The following CAST variants were observed in gnomAD, a reference collection of about 807,000 sequenced individuals.
CAST encodes the protein calpastatin, also known as MIR583 host.
Under a neutral mutation model 119.6 loss-of-function variants are expected in CAST, and 76 were observed. The ratio of observed to expected loss-of-function variants is 0.64; its 90% CI spans 0.53 to 0.77. CAST has a LOEUF of 0.77. Ranked by LOEUF, CAST falls within the 30% of genes least tolerant of loss-of-function variation. CAST has a pLI of 0.00. For missense variants in CAST, 953 were observed against 946.5 expected (o/e 1.01, Z -0.09); for synonymous variants, 319 against 331.6 (o/e 0.96, Z 0.41).
chr5:96,246,776 C>T, the CAST span, among the ~76,000 whole-genome samples: 2 of 152,174 alleles, frequency 1.3e-5, no homozygotes, highest in African/African-American at 2.4e-5. Context: ...GGCTTGGCTT[C>T]GATCTGGCCA....
the CAST span, among the ~76,000 whole-genome samples, chr5:96,027,014 C>T: frequency 1.3e-5 from 2 of 151,898 alleles, no homozygotes; most frequent in Non-Finnish European, 2.9e-5. Context: ...AGTTTGAGAC[C>T]AGCCTGAGCA....
the CAST span, among the ~76,000 whole-genome samples, chr5:96,147,875 A>G: frequency 1.4e-4 from 21 of 152,228 alleles, no homozygotes; most frequent in African/African-American, 5.1e-4. Context: ...TCATTTTTGA[A>G]AATAAAAAAA....
the CAST span, among the ~76,000 whole-genome samples, chr5:96,334,744 C>T: frequency 1.3e-5 from 2 of 152,124 alleles, no homozygotes; most frequent in Admixed American, 6.5e-5. Flanking sequence ...CCCAGAAACT[C>T]GTTTTTCACC....
At chr5:96,130,197 T>C in the CAST span, among the ~76,000 whole-genome samples, 1 of 151,942 alleles carries the variant, frequency 6.6e-6, no homozygotes, top group African/African-American at 2.4e-5. Flanking sequence ...GTCATGTTGA[T>C]AGAATGTATC....
the CAST span, among the ~76,000 whole-genome samples, chr5:96,123,017 T>C: frequency 6.6e-6 from 1 of 152,186 alleles, no homozygotes; most frequent in Non-Finnish European, 1.5e-5. Context: ...ATGTTCAGGA[T>C]GTAGTAGGCA....
chr5:96,562,058 CTGGGATTA>C (rs1441967963), intron 1 of CAST, among the ~76,000 whole-genome samples: 3 of 151,512 alleles, frequency 2.0e-5, no homozygotes, highest in African/African-American at 7.3e-5. Context: ...TCCCAAAGTG[CTGGGATTA>C]CAGGCGTGAG....
At chr5:96,174,227 A>G in the CAST span, among the ~76,000 whole-genome samples, 1 of 152,286 alleles carries the variant, frequency 6.6e-6, no homozygotes, top group South Asian at 2.1e-4. Flanking sequence ...CAAACTTGCC[A>G]GTTTCCTTCT....
the CAST span, among the ~76,000 whole-genome samples, chr5:96,457,110 A>G: frequency 2.6e-5 from 4 of 152,130 alleles, no homozygotes; most frequent in Admixed American, 6.5e-5. Context: ...CAGCAGTTAT[A>G]TTGCTACCAC....
At chr5:96,068,884 C>T in the CAST span, among the ~76,000 whole-genome samples, 1 of 150,026 alleles carries the variant, frequency 6.7e-6, no homozygotes, top group African/African-American at 2.5e-5. Flanking sequence ...TACATATATA[C>T]ATACACCAAT....
At chr5:96,284,773 GAAAGTGATT>G in the CAST span, among the ~76,000 whole-genome samples, 2 of 152,152 alleles carry the variant, frequency 1.3e-5, no homozygotes, top group Non-Finnish European at 2.9e-5. Flanking sequence ...TTTAATATAG[GAAAGTGATT>G]AAAGAGAAAA....
At chr5:96,712,739 C>G (rs904541098) in intron 3 of CAST, among the ~76,000 whole-genome samples, 3 of 152,166 alleles carry the variant, frequency 2.0e-5, no homozygotes, top group Non-Finnish European at 4.4e-5. Flanking sequence ...TAGGTGGTTT[C>G]CAGAATAACA....
chr5:96,709,154 T>C (rs1484796884), intron 3 of CAST, among the ~76,000 whole-genome samples: 1 of 152,252 alleles, frequency 6.6e-6, no homozygotes, highest in Non-Finnish European at 1.5e-5. Flanking sequence ...ATTTTTCTCA[T>C]GCATATGCAT....
At chr5:96,445,469 A>G in the CAST span, among the ~76,000 whole-genome samples, 4 of 152,186 alleles carry the variant, frequency 2.6e-5, no homozygotes, top group Non-Finnish European at 4.4e-5. Context: ...CAGACACATA[A>G]TGGTTCCCTT....
intron 28 of CAST, 80 bp from the exon 29 acceptor site, chr5:96,767,799 TTTTTTCTTATAGAAACATCTTTTATTTG>T: frequency 1.4e-6 from 1 of 694,084 alleles, no homozygotes; most frequent in Non-Finnish European, 2.5e-6. Flanking sequence ...GTCAGTCAGT[TTTTTTCTTATAGAAACATCTTTTATTTG>T]TAAGTGATGT....
At chr5:96,345,380 A>G in the CAST span, among the ~76,000 whole-genome samples, 2 of 152,030 alleles carry the variant, frequency 1.3e-5, no homozygotes, top group African/African-American at 4.8e-5. Context: ...GAAACAGGAG[A>G]TTTGTGGTTG....
the CAST span, among the ~76,000 whole-genome samples, chr5:96,164,440 A>T: frequency 9.9e-5 from 15 of 152,252 alleles, no homozygotes; most frequent in African/African-American, 3.4e-4. Flanking sequence ...AGTTTGGATA[A>T]TTAGTCTGTC....
chr5:96,676,025 G>A (rs1348531894), intron 2 of CAST: 1 of 154,038 alleles, frequency 6.5e-6, no homozygotes, highest in Non-Finnish European at 1.4e-5. Context: ...AAAAGGAAGA[G>A]ATAACTATTT....
At chr5:96,375,433 TG>T in the CAST span, among the ~76,000 whole-genome samples, 63 of 86,856 alleles carry the variant, frequency 7.3e-4, no homozygotes, top group South Asian at 2.3e-3. Flanking sequence ...TGTGTGTGTG[TG>T]TGTTTTTTTT....
At chr5:96,161,982 A>C in the CAST span, among the ~76,000 whole-genome samples, 3 of 152,194 alleles carry the variant, frequency 2.0e-5, no homozygotes, top group Non-Finnish European at 4.4e-5. Flanking sequence ...CAATCTACTA[A>C]ACTTATGTAT....
Sources: allele counts gnomAD v4.1 joint callset (sites outside exome capture counted in the v4.1 genomes callset), GRCh38; gene constraint gnomAD v4.1.1; transcripts MANE v1.5; gene names NCBI Gene and HGNC (gene_info 2026-07-23, HGNC 2026-07-21).